The following CWC27 variants were observed in gnomAD, a reference collection of about 807,000 sequenced individuals.
CWC27 encodes the protein spliceosome-associated protein CWC27 homolog.
CWC27 carries 47 observed loss-of-function variants against 63.6 expected under a neutral mutation model. That is an observed-to-expected ratio of 0.74 (90% CI 0.58 to 0.94). The LOEUF (loss-of-function observed/expected upper bound fraction) is 0.94, where lower values mean the gene tolerates loss of function less well. Among genes scored for constraint, CWC27 ranks in the 40% least tolerant of loss-of-function variants. The pLI is 0.00. For missense variants in CWC27, 495 were observed against 554.3 expected, an observed-to-expected ratio of 0.89 and a Z score of 1.07; for synonymous variants, 175 against 179.8, an observed-to-expected ratio of 0.97 and a Z score of 0.22.
chr5:64,838,272 G>A lies in CWC27; in HGVS notation c.938+33886G>A, dbSNP rs149167569. Among the ~76,000 whole-genome samples, 5 of 152,178 alleles carry A rather than the reference G, an allele frequency of 3.3e-5. No homozygotes were observed. In the East Asian group the frequency reaches 5.8e-4, roughly 18 times the overall value. The stretch of plus-strand genomic sequence containing the variant: ...TTCCAATTTAGTTAACCAAAGATCC[G>A]ATGTTTTTAGAAGTAAAGTCAGAGT... On this transcript the variant is annotated intron_variant, in intron 10 of 13. Coordinates refer to ENST00000381070, the MANE Select transcript of CWC27 (RefSeq NM_005869.4).
At chr5:64,839,948 A>G (rs1256223674) in intron 10 of CWC27, among the ~76,000 whole-genome samples, 1 of 152,126 alleles carries the variant, frequency 6.6e-6, no homozygotes, top group Non-Finnish European at 1.5e-5. Context: ...GGACATTGTA[A>G]CTTCAGGGTC....
chr5:64,804,106 A>C (rs1744575901), intron 9 of CWC27, 123 bp from the exon 10 acceptor site: 4 of 886,288 alleles, frequency 4.5e-6, no homozygotes, highest in Non-Finnish European at 6.4e-6. Context: ...AAACAAAAGA[A>C]AACAAAATAA....
At chr5:64,972,765 C>A (rs779770686) in intron 12 of CWC27, 18 of 427,554 alleles carry the variant, frequency 4.2e-5, no homozygotes, top group Non-Finnish European at 8.3e-5. Context: ...CCTTCCCCCT[C>A]CCCCCATTCC....
intron 11 of CWC27, among the ~76,000 whole-genome samples, chr5:64,966,890 G>T (rs934995540): frequency 8.3e-6 from 1 of 120,804 alleles, no homozygotes; most frequent in African/African-American, 2.9e-5. Flanking sequence ...AAAAATTTTT[G>T]TTTGTTTTAA....
At chr5:64,965,650 A>C (rs1235043288) in intron 11 of CWC27, among the ~76,000 whole-genome samples, 1 of 152,142 alleles carries the variant, frequency 6.6e-6, no homozygotes, top group Non-Finnish European at 1.5e-5. Context: ...TTACCCAACT[A>C]TTTCCTTAGC....
rs999727146 is a variant in CWC27 at position 64,907,766 on chromosome 5, T to G, written c.1042+22220T>G. On this transcript the variant is annotated intron_variant, in intron 11 of 13. Transcript: ENST00000381070. ...CAGTTTTCAAAGGGAATGCTTCCAG[T>G]TTTTGCCCATTCAGTATACTGGCTG... Among the ~76,000 whole-genome samples, 7 of 152,158 alleles carry G rather than the reference T, an allele frequency of 4.6e-5. 1 individual carries two copies. In the East Asian group the frequency reaches 9.6e-4, roughly 21 times the overall value.
intron 13 of CWC27, among the ~76,000 whole-genome samples, chr5:65,007,326 G>T (rs1454350663): frequency 1.3e-5 from 2 of 152,158 alleles, no homozygotes; most frequent in Non-Finnish European, 2.9e-5. Flanking sequence ...GGCTAAGGAG[G>T]CATGACAACT....
chr5:64,998,928 C>A (rs998343405), intron 13 of CWC27, among the ~76,000 whole-genome samples: 1 of 151,440 alleles, frequency 6.6e-6, no homozygotes, highest in Non-Finnish European at 1.5e-5. Context: ...TTAACTATTT[C>A]TGTTTCCTAT....
chr5:64,855,502 A>T (rs1418423224), intron 10 of CWC27, among the ~76,000 whole-genome samples: 1 of 152,166 alleles, frequency 6.6e-6, no homozygotes, highest in Non-Finnish European at 1.5e-5. Context: ...GAGCAATATA[A>T]GAAATGTGTA....
At chr5:64,929,635 T>C (rs1184228333) in intron 11 of CWC27, among the ~76,000 whole-genome samples, 1 of 152,020 alleles carries the variant, frequency 6.6e-6, no homozygotes, top group Non-Finnish European at 1.5e-5. Flanking sequence ...ATCAGGGAAA[T>C]GCGAATCAAA....
At chr5:65,003,280 T>G (rs1315928610) in intron 13 of CWC27, among the ~76,000 whole-genome samples, 1 of 152,218 alleles carries the variant, frequency 6.6e-6, no homozygotes. Context: ...TGTGTTTACA[T>G]TTGAGATTAT....
intron 1 of CWC27, among the ~76,000 whole-genome samples, chr5:64,771,807 A>G (rs1561397486): frequency 6.6e-6 from 1 of 152,234 alleles, no homozygotes; most frequent in Non-Finnish European, 1.5e-5. Context: ...CAGAGGAGGA[A>G]GGAGCCATAT....
intron 10 of CWC27, among the ~76,000 whole-genome samples, chr5:64,836,094 GTAAAGTTACATT>G (rs1745652347): frequency 6.6e-6 from 1 of 151,850 alleles, no homozygotes; most frequent in Non-Finnish European, 1.5e-5. Context: ...ATTCAAATAA[GTAAAGTTACATT>G]TAAGCCACCC....
intron 1 of CWC27, among the ~76,000 whole-genome samples, chr5:64,773,655 T>A (rs1743341558): frequency 6.6e-6 from 1 of 152,198 alleles, no homozygotes; most frequent in Non-Finnish European, 1.5e-5. Flanking sequence ...TTTGGTATAC[T>A]AGGGGAGAAA....
intron 10 of CWC27, among the ~76,000 whole-genome samples, chr5:64,878,489 A>AAAAAAAAAAAAAAAAAAAAAAAAAC (rs1746851846): frequency 6.9e-6 from 1 of 144,808 alleles, no homozygotes; most frequent in African/African-American, 2.6e-5. Flanking sequence ...AAAAAAAAAA[A>AAAAAAAAAAAAAAAAAAAAAAAAAC]AAAAAAAAAA....
chr5:64,952,887 A>C (rs1748738211), intron 11 of CWC27, among the ~76,000 whole-genome samples: 1 of 152,042 alleles, frequency 6.6e-6, no homozygotes, highest in East Asian at 1.9e-4. Flanking sequence ...TAGTTGCATT[A>C]TTATTTGAGA....
chr5:64,958,366 T>A (rs181805105), intron 11 of CWC27, among the ~76,000 whole-genome samples: 146 of 152,300 alleles, frequency 9.6e-4, no homozygotes, highest in African/African-American at 3.5e-3. Flanking sequence ...TACTCCCAGT[T>A]TAGCACAATC....
intron 11 of CWC27, among the ~76,000 whole-genome samples, chr5:64,929,060 G>A (rs566705521): frequency 6.6e-6 from 1 of 151,906 alleles, no homozygotes. Context: ...TGTTGATGTT[G>A]TAGGGAGCCA....
chr5:64,982,321 C>A (rs904736184), intron 13 of CWC27, among the ~76,000 whole-genome samples: 11 of 151,820 alleles, frequency 7.2e-5, no homozygotes, highest in African/African-American at 2.7e-4. Context: ...GAAATGACAA[C>A]AAATGAATTT....
Sources: gnomAD v4.1 joint callset for allele counts (sites outside exome capture counted in the v4.1 genomes callset) on GRCh38, gnomAD v4.1.1 for gene constraint, MANE v1.5 for transcripts, NCBI Gene and HGNC (gene_info 2026-07-23, HGNC 2026-07-21) for gene names.